CLSTN2: variants seen among roughly 807,000 people sequenced by gnomAD.
CLSTN2 encodes the protein calsyntenin 2.
In CLSTN2, 48 loss-of-function variants were observed where a neutral mutation model predicts 101.2. That is an observed-to-expected ratio of 0.47 (90% confidence interval 0.38 to 0.60). The LOEUF (loss-of-function observed/expected upper bound fraction) is 0.60. Ranked by LOEUF, CLSTN2 falls within the 20% of genes least tolerant of loss-of-function variation. The pLI, the probability that CLSTN2 is intolerant of heterozygous loss-of-function variation, is 0.00. For missense variants in CLSTN2, 1,160 were observed against 1,238.2 expected, an observed-to-expected ratio of 0.94 and a Z score of 0.95; for synonymous variants, 481 against 463.6, an observed-to-expected ratio of 1.04 and a Z score of -0.48.
chr3:140,482,525 T>TC (rs1048556402), intron 8 of CLSTN2, among the ~76,000 whole-genome samples: 1 of 152,228 alleles, frequency 6.6e-6, no homozygotes, highest in Non-Finnish European at 1.5e-5. Context: ...TGGTACCAGC[T>TC]CCTCCTTGTA....
Position 140,168,724 on chromosome 3 carries a change from T to C in CLSTN2, c.110-7227T>C, listed in dbSNP as rs958884443. On this transcript the variant is annotated intron_variant, in intron 1 of 16. Coordinates refer to ENST00000458420, the MANE Select transcript of CLSTN2 (RefSeq NM_022131.3). ...TATTTTTTTGGCATATAGATATTCA[T>C]TTTTTCTCTAGCAGCATTTAATAAA... Among the ~76,000 whole-genome samples the C allele has an allele frequency of 1.6e-4, 24 of 152,114 alleles. 1 individual carries two copies. The highest frequency in any genetic ancestry group is 5.5e-4 in the African/African-American group (23 of 41,464).
At chr3:140,394,497 C>G (rs2107972838) in intron 2 of CLSTN2, among the ~76,000 whole-genome samples, 1 of 152,330 alleles carries the variant, frequency 6.6e-6, no homozygotes, top group East Asian at 1.9e-4. Flanking sequence ...CAGCACTTCT[C>G]TGGTGGTTAC....
intron 1 of CLSTN2, among the ~76,000 whole-genome samples, chr3:140,038,769 AG>A (rs1185609377): frequency 6.6e-6 from 1 of 152,230 alleles, no homozygotes; most frequent in Non-Finnish European, 1.5e-5. Context: ...CTAGATACTA[AG>A]GGTGTTCTTT....
intron 1 of CLSTN2, among the ~76,000 whole-genome samples, chr3:140,114,227 C>A (rs1156474823): frequency 2.0e-5 from 3 of 152,202 alleles, no homozygotes. Flanking sequence ...TCCAGCTCTA[C>A]TAAATTACTC....
chr3:140,307,127 T>C (rs1402495091), intron 2 of CLSTN2, among the ~76,000 whole-genome samples: 1 of 152,168 alleles, frequency 6.6e-6, no homozygotes, highest in Non-Finnish European at 1.5e-5. Flanking sequence ...CCATGTAAGA[T>C]ATGACTTGCT....
At chr3:140,092,790 T>A (rs112530945) in intron 1 of CLSTN2, among the ~76,000 whole-genome samples, 1 of 152,146 alleles carries the variant, frequency 6.6e-6, no homozygotes, top group Non-Finnish European at 1.5e-5. Flanking sequence ...GAGAAGGGAC[T>A]CAGCAATCCT....
chr3:140,078,674 T>C (rs1255728427), intron 1 of CLSTN2, among the ~76,000 whole-genome samples: 1 of 152,284 alleles, frequency 6.6e-6, no homozygotes, highest in South Asian at 2.1e-4. Context: ...CTGCTAATGG[T>C]TTATAAAAAG....
chr3:140,499,802 C>CA (rs1156263328), intron 8 of CLSTN2, among the ~76,000 whole-genome samples: 6 of 152,308 alleles, frequency 3.9e-5, no homozygotes, highest in African/African-American at 1.4e-4. Context: ...CGGTGGCTCA[C>CA]ACCTGTAATC....
At chr3:140,377,570 CA>C (rs1377179609) in intron 2 of CLSTN2, among the ~76,000 whole-genome samples, 2 of 151,430 alleles carry the variant, frequency 1.3e-5, no homozygotes, top group African/African-American at 4.9e-5. Flanking sequence ...TAGTTTTTAA[CA>C]AAAAGCTTAA....
intron 1 of CLSTN2, among the ~76,000 whole-genome samples, chr3:140,172,233 C>CCG (rs1415183028): frequency 3.5e-5 from 3 of 85,718 alleles, no homozygotes; most frequent in Non-Finnish European, 7.0e-5. Flanking sequence ...TGGGGGTGAG[C>CCG]GGGGGGGACT....
rs774553348 is a variant in CLSTN2, at chr3:139,955,494, G to A, written c.109+20011G>A. 1.0e-4 allele frequency among the ~76,000 whole-genome samples: 10 copies of A among 95,980 alleles called. No individual in the cohort carries two copies. In the East Asian group the frequency reaches 1.5e-3, roughly 14 times the overall value. The allele number at this position is 95,980 out of a possible 152,430, so 63.0% of individuals were successfully genotyped here. ...ATTATGCTCACAGGTCCTGTGGCTC[G>A]GGCATTTAGACATGGGGTTATAGTT... On this transcript the variant is annotated intron_variant, in intron 1 of 16. Transcript: ENST00000458420.
chr3:140,211,531 C>CTG (rs60408720), intron 2 of CLSTN2, among the ~76,000 whole-genome samples: 93,034 of 141,856 alleles, frequency 0.66, 30,540 homozygotes, highest in East Asian at 0.78. Context: ...GGATCAAAAT[C>CTG]TGTGTGTGTG....
chr3:140,074,347 C>T (rs546377233), intron 1 of CLSTN2, among the ~76,000 whole-genome samples: 8 of 152,182 alleles, frequency 5.3e-5, no homozygotes, highest in Non-Finnish European at 8.8e-5. Context: ...GTGCATTGGC[C>T]GGGGTGTTGA....
chr3:140,308,187 A>T (rs1249990218), intron 2 of CLSTN2, among the ~76,000 whole-genome samples: 1 of 152,240 alleles, frequency 6.6e-6, no homozygotes, highest in East Asian at 1.9e-4. Context: ...GAACACTGAC[A>T]GTAGCAATAT....
intron 1 of CLSTN2, among the ~76,000 whole-genome samples, chr3:140,011,386 G>A (rs1192748059): frequency 6.6e-6 from 1 of 152,092 alleles, no homozygotes; most frequent in Non-Finnish European, 1.5e-5. Context: ...TTCTCTTCCA[G>A]GACATGAAAC....
chr3:140,465,765 A>G (rs1466743468), intron 7 of CLSTN2, among the ~76,000 whole-genome samples: 2 of 152,170 alleles, frequency 1.3e-5, no homozygotes, highest in African/African-American at 4.8e-5. Flanking sequence ...CCCAAGTTAC[A>G]ACTCCACCCA....
rs1011259286 is a variant in CLSTN2, at chr3:140,093,980, G to A, written c.110-81971G>A. ...TAACGTGTTGGAACACTGCCCGGGG[G>A]AATCTGAAATAGGAGAGCTCATGGC... On this transcript the variant is annotated intron_variant, in intron 1 of 16. Transcript: ENST00000458420. Among the ~76,000 whole-genome samples the A allele has an allele frequency of 8.5e-5, 13 of 152,176 alleles. 1 individual carries two copies. The highest frequency in any genetic ancestry group is 6.2e-4 in the South Asian group (3 of 4,824).
chr3:140,277,106 G>A (rs2086802484), intron 2 of CLSTN2, among the ~76,000 whole-genome samples: 1 of 152,228 alleles, frequency 6.6e-6, no homozygotes, highest in Admixed American at 6.5e-5. Context: ...TTGGATTACA[G>A]TAAGTCATAG....
chr3:139,948,329 G>A (rs1243479955), intron 1 of CLSTN2, among the ~76,000 whole-genome samples: 1 of 152,042 alleles, frequency 6.6e-6, no homozygotes, highest in African/African-American at 2.4e-5. Context: ...TTTGGGCATG[G>A]TGGTGGGTGC....
Sources: gnomAD v4.1 joint callset for allele counts (sites outside exome capture counted in the v4.1 genomes callset) on GRCh38, gnomAD v4.1.1 for gene constraint, MANE v1.5 for transcripts, NCBI Gene and HGNC (gene_info 2026-07-23, HGNC 2026-07-21) for gene names.